OR2V1: variants seen among roughly 807,000 people sequenced by gnomAD.
OR2V1 encodes the protein olfactory receptor 2V1.
Under a neutral mutation model 15.0 loss-of-function variants are expected in OR2V1, and 18 were observed. The observed-to-expected ratio is 1.20, with a 90% confidence interval of 0.83 to 1.78. OR2V1 has a LOEUF of 1.78. OR2V1 is among the 40% of genes most tolerant of loss of function. The probability of loss-of-function intolerance (pLI) is 0.00; values close to 1 mark genes in which losing one functional copy is unlikely to be tolerated. For synonymous variants in OR2V1, 144 were observed against 146.1 expected (o/e 0.99, Z 0.10); for missense variants, 359 against 392.9 (o/e 0.91, Z 0.73).
chr5:181,124,396 C>T lies in OR2V1; in HGVS notation c.909G>A (p.Arg303=). The T allele has an allele frequency of 6.2e-7, 1 of 1,607,844 alleles. No homozygotes were observed. The highest frequency in any genetic ancestry group is 2.2e-5 in the East Asian group (1 of 44,860). Residue 303 remains arginine, a synonymous_variant, in exon 4 of 4, where the codon AGG becomes AGA. Coordinates refer to ENST00000641551, the MANE Select transcript of OR2V1 (RefSeq NM_001258283.2). ...CAATCCTGCAGCGGTCCAGCCCCTT[C>T]CTCAGTGCCCCCATCACCTCCCCAT... The part of the protein sequence containing the change: ...LRNGEVMGAL[R]KGLDRCRIGS...
intron 3 of OR2V1, among the ~76,000 whole-genome samples, chr5:181,129,176 GA>G (rs1427481545): frequency 6.6e-6 from 1 of 152,144 alleles, no homozygotes. Context: ...AGCTGGCAGT[GA>G]TCTATGTTCA....
At chr5:181,128,789 G>A (rs1365213598) in intron 3 of OR2V1, among the ~76,000 whole-genome samples, 1 of 152,156 alleles carries the variant, frequency 6.6e-6, no homozygotes, top group African/African-American at 2.4e-5. Flanking sequence ...CAGGCCCCAG[G>A]CTGCTCATGT....
At chr5:181,127,377 G>T (rs993385107) in intron 3 of OR2V1, among the ~76,000 whole-genome samples, 2 of 152,172 alleles carry the variant, frequency 1.3e-5, no homozygotes, top group African/African-American at 4.8e-5. Context: ...TTTCTACCAG[G>T]GACAGTGAGT....
In OR2V1 at chr5:181,129,253, A is replaced by G. The variant is rs558874393; in HGVS notation, c.-22+267T>C. On this transcript the variant is annotated intron_variant, in intron 3 of 3. Coordinates refer to ENST00000641551, the MANE Select transcript of OR2V1 (RefSeq NM_001258283.2). The stretch of plus-strand genomic sequence containing the variant: ...CTCCAAAATAAAAATAAAATAAAAC[A>G]TTACCTGGGCGTGGTGGTGTGCACC... Among the ~76,000 whole-genome samples, 207 of 151,846 alleles carry G rather than the reference A, an allele frequency of 1.4e-3. 1 individual carries two copies. Among genetic ancestry groups the G allele is most frequent in the African/African-American group, 4.4e-3 (182 of 41,402 alleles).
rs542664557 is a variant in OR2V1, at chr5:181,124,702, A to G, written c.603T>C (p.Phe201=). Residue 201 remains phenylalanine, a synonymous_variant, in exon 4 of 4, where the codon TTT becomes TTC. Coordinates refer to ENST00000641551, the MANE Select transcript of OR2V1 (RefSeq NM_001258283.2). ...GGAGAAGCATGAAGACACAGCAAGC[A>G]AAGAGGAGGGTGTCAAAAAGGGAAG... is the stretch of plus-strand genomic sequence containing the variant. ...ADTSLFDTLL[F]ACCVFMLLLP... is the part of the protein sequence containing the mutation. 2 of 1,612,544 alleles carry G rather than the reference A, an allele frequency of 1.2e-6. No individual in the cohort carries two copies. The highest frequency in any genetic ancestry group is 2.2e-5 in the East Asian group (1 of 44,882).
intron 3 of OR2V1, among the ~76,000 whole-genome samples, chr5:181,127,854 C>T (rs933157416): frequency 2.0e-5 from 3 of 151,862 alleles, no homozygotes; most frequent in Non-Finnish European, 4.4e-5. Context: ...CCAGCCCTAC[C>T]ACCGTGTCCA....
chr5:181,124,899 G>A lies in OR2V1; in HGVS notation c.406C>T (p.Leu136Phe), dbSNP rs777656520. ...TGGAGACAGACCCTCTGATTCATGA[G>A]GATGGGATAGTGAAGTGGGTGGCTA... ...AVSHPLHYPI[L>F]MNQRVCLQIT... The change falls in exon 4 of 4, where the codon CTC (leucine) becomes TTC (phenylalanine). Residue 136 changes from leucine (L) to phenylalanine (F), a missense_variant. Leu to Phe is a conservative substitution (Grantham distance 22). Coordinates refer to ENST00000641551, the MANE Select transcript of OR2V1 (RefSeq NM_001258283.2). 1.1e-5 allele frequency: 17 copies of A among 1,613,540 alleles called. No individual in the cohort carries two copies. The highest frequency in any genetic ancestry group is 3.3e-4 in the Middle Eastern group (2 of 6,060).
chr5:181,126,488 A>G (rs981280361), intron 3 of OR2V1, among the ~76,000 whole-genome samples: 1 of 150,522 alleles, frequency 6.6e-6, no homozygotes, highest in Non-Finnish European at 1.5e-5. Context: ...TAATACACAC[A>G]TAGACACACA....
chr5:181,127,046 C>T (rs946518101), intron 3 of OR2V1, among the ~76,000 whole-genome samples: 1 of 152,340 alleles, frequency 6.6e-6, no homozygotes, highest in African/African-American at 2.4e-5. Context: ...CGGATGAAAA[C>T]GCTGAATGTC....
intron 3 of OR2V1, among the ~76,000 whole-genome samples, chr5:181,125,597 A>G (rs1762863070): frequency 6.6e-6 from 1 of 152,254 alleles, no homozygotes; most frequent in Non-Finnish European, 1.5e-5. Flanking sequence ...TCCACATGGC[A>G]CTGCCTCTTA....
chr5:181,126,859 TC>T (rs2113327821), intron 3 of OR2V1, among the ~76,000 whole-genome samples: 1 of 152,010 alleles, frequency 6.6e-6, no homozygotes, highest in Admixed American at 6.5e-5. Flanking sequence ...CCCTCTGAGG[TC>T]CCCTCGGGCC....
rs1274472506 is a variant in OR2V1 at position 181,124,985 on chromosome 5, G to C, written c.320C>G (p.Ser107Cys). The C allele has an allele frequency of 7.4e-6, 12 of 1,613,944 alleles. No individual in the cohort carries two copies. The highest frequency in any genetic ancestry group is 3.3e-5 in the South Asian group (3 of 91,076). ...CAAGAGCCCCTCAGATCCCACAAGA[G>C]AGACAAAAAAGCCAATTTGTATGCC... The part of the protein sequence containing the change: ...GCGIQIGFFV[S>C]LVGSEGLLLG... The change falls in exon 4 of 4, where the codon TCT (serine) becomes TGT (cysteine). Residue 107 changes from serine to cysteine, a missense_variant. Physicochemically the swap from Ser to Cys is moderately radical, Grantham distance 112 (BLOSUM62 -1). Coordinates refer to ENST00000641551, the MANE Select transcript of OR2V1 (RefSeq NM_001258283.2).
intron 3 of OR2V1, among the ~76,000 whole-genome samples, chr5:181,127,028 G>T (rs780195539): frequency 2.0e-5 from 3 of 152,158 alleles, no homozygotes; most frequent in Non-Finnish European, 2.9e-5. Context: ...GAGGTGTTCC[G>T]TGGAAGCCGG....
intron 1 of OR2V1, chr5:181,130,476 C>A (rs1277163902): frequency 2.7e-6 from 1 of 375,676 alleles, no homozygotes; most frequent in African/African-American, 2.1e-5. Flanking sequence ...AGAGGTGGAG[C>A]CAGGAGCAGT....
chr5:181,124,462 G>A lies in OR2V1; in HGVS notation c.843C>T (p.Val281=), dbSNP rs149164637. Reference sequence around the variant, plus strand: ...TGAGGGGGTTCAGCATGGGAGTAAGGACTGTGTAGAAGATAGAGGCCACCT... The same window carrying A: ...TGAGGGGGTTCAGCATGGGAGTAAGAACTGTGTAGAAGATAGAGGCCACCT... ...HDKVASIFYT[V]LTPMLNPLIY... Residue 281 remains valine (V), a synonymous_variant, in exon 4 of 4, where the codon GTC becomes GTT. Transcript: ENST00000641551. The A allele has an allele frequency of 2.9e-3, 4,738 of 1,613,912 alleles. 125 individuals carry two copies. The Admixed American group carries it at 0.052, about 18-fold the overall frequency.
chr5:181,125,073 T>A lies in OR2V1; in HGVS notation c.232A>T (p.Ile78Phe). 6.2e-7 allele frequency: 1 copy of A among 1,614,042 alleles called. No individual in the cohort carries two copies. The highest frequency in any genetic ancestry group is 2.2e-5 in the East Asian group (1 of 44,892). The change falls in exon 4 of 4, where the codon ATT (isoleucine) becomes TTT (phenylalanine). Residue 78 changes from isoleucine to phenylalanine, a missense_variant. Physicochemically the swap from Ile to Phe is conservative, Grantham distance 21 (BLOSUM62 0). Coordinates refer to ENST00000641551, the MANE Select transcript of OR2V1 (RefSeq NM_001258283.2). ...SLMDLMLVCN[I>F]VPKMAANFLS... ...AAGTTGGCTGCCATCTTTGGCACAA[T>A]GTTACAGACCAACATGAGGTCCATG...
At chr5:181,129,276 A>C (rs2088903772) in intron 3 of OR2V1, among the ~76,000 whole-genome samples, 1 of 152,024 alleles carries the variant, frequency 6.6e-6, no homozygotes, top group Non-Finnish European at 1.5e-5. Flanking sequence ...GGTGGTGTGC[A>C]CCTGTAGTTC....
chr5:181,124,644 A>G lies in OR2V1; in HGVS notation c.661T>C (p.Cys221Arg). The change falls in exon 4 of 4, where the codon TGC becomes CGC. Residue 221 changes from cysteine (C) to arginine (R), a missense_variant. Physicochemically the swap from Cys to Arg is radical, Grantham distance 180. Coordinates refer to ENST00000641551, the MANE Select transcript of OR2V1 (RefSeq NM_001258283.2). ...ATTCGGAGCACAGCCCCTAGGATGC[A>G]AGCATAGGAGGCCATGATGATGGAG... is the stretch of plus-strand genomic sequence containing the variant. ...PFSIIMASYA[C>R]ILGAVLRIRS... 1 of 1,613,832 alleles carries G rather than the reference A, an allele frequency of 6.2e-7. No individual in the cohort carries two copies. Among genetic ancestry groups the G allele is most frequent in the East Asian group, 2.2e-5 (1 of 44,882 alleles).
At chr5:181,127,264 T>TA (rs1762887565) in intron 3 of OR2V1, among the ~76,000 whole-genome samples, 1 of 152,178 alleles carries the variant, frequency 6.6e-6, no homozygotes, top group African/African-American at 2.4e-5. Flanking sequence ...AACAAAATAA[T>TA]ATGTGATGGA....
Sources: allele counts gnomAD v4.1 joint callset (sites outside exome capture counted in the v4.1 genomes callset), GRCh38; gene constraint gnomAD v4.1.1; transcripts MANE v1.5; gene names NCBI Gene and HGNC (gene_info 2026-07-23, HGNC 2026-07-21).